SEC22C: variants seen among roughly 807,000 people sequenced by gnomAD.
SEC22C encodes the protein vesicle-trafficking protein SEC22c.
In SEC22C, 29 loss-of-function variants were observed where a neutral mutation model predicts 34.7. That is an observed-to-expected ratio of 0.84 (90% confidence interval 0.62 to 1.14). The LOEUF (loss-of-function observed/expected upper bound fraction) is 1.14, where lower values mean the gene tolerates loss of function less well. SEC22C is among the 50% of genes most tolerant of loss of function. SEC22C has a pLI of 0.00. For synonymous variants in SEC22C, 117 were observed against 132.8 expected (o/e 0.88, Z 0.82); for missense variants, 337 against 369.0 (o/e 0.91, Z 0.71).
intron 4 of SEC22C, among the ~76,000 whole-genome samples, chr3:42,558,172 A>T (rs1702649348): frequency 6.6e-6 from 1 of 152,148 alleles, no homozygotes; most frequent in Non-Finnish European, 1.5e-5. Context: ...CAAAAATGTC[A>T]ATAGGGATCA....
At chr3:42,564,720 T>C (rs1234064012) in intron 2 of SEC22C, among the ~76,000 whole-genome samples, 1 of 152,172 alleles carries the variant, frequency 6.6e-6, no homozygotes, top group Non-Finnish European at 1.5e-5. Flanking sequence ...TTCCATTAGG[T>C]TGTGGCCTGA....
intron 1 of SEC22C, among the ~76,000 whole-genome samples, chr3:42,574,821 G>A (rs1287323295): frequency 6.6e-6 from 1 of 152,032 alleles, no homozygotes; most frequent in African/African-American, 2.4e-5. Flanking sequence ...ATTATAAAAT[G>A]AAATTATTAT....
chr3:42,568,361 C>T (rs1703387780), intron 2 of SEC22C, among the ~76,000 whole-genome samples: 1 of 151,946 alleles, frequency 6.6e-6, no homozygotes, highest in Non-Finnish European at 1.5e-5. Flanking sequence ...GTGGAGCAGC[C>T]ACGGCTGGGT....
At chr3:42,558,759 T>A (rs145576014) in intron 4 of SEC22C, among the ~76,000 whole-genome samples, 222 of 152,142 alleles carry the variant, frequency 1.5e-3, no homozygotes, top group African/African-American at 5.1e-3. Context: ...ACCATGGTAC[T>A]TCAGCCTGGG....
Position 42,552,231 on chromosome 3 carries a change from C to T in SEC22C, c.*1017G>A, listed in dbSNP as rs1225190041. ...GTTCATAAAAAATGAGGCCCTCAAG[C>T]TAATTAAGATGACTGGGAAAGGTGC... On this transcript the variant is annotated 3_prime_UTR_variant, in exon 7 of 7. Coordinates refer to ENST00000264454, the MANE Select transcript of SEC22C (RefSeq NM_032970.4). 1 of 985,268 alleles carries T rather than the reference C, an allele frequency of 1.0e-6. No homozygotes were observed. The highest frequency in any genetic ancestry group is 1.7e-5 in the African/African-American group (1 of 57,218). 61.0% of individuals were successfully genotyped at this position (985,268 alleles called of 1,614,324 possible). A position where few individuals can be genotyped will look rare whatever the true frequency, so the allele number is the denominator to read the frequency against.
intron 4 of SEC22C, among the ~76,000 whole-genome samples, chr3:42,560,570 A>C (rs534934509): frequency 6.6e-5 from 10 of 152,006 alleles, no homozygotes; most frequent in African/African-American, 1.9e-4. Context: ...TAACCTGCCA[A>C]GTCACTCTTC....
At chr3:42,593,894 C>T (rs775007257) in intron 1 of SEC22C, among the ~76,000 whole-genome samples, 41 of 152,020 alleles carry the variant, frequency 2.7e-4, no homozygotes, top group Admixed American at 1.4e-3. Flanking sequence ...GGAAAAGCCC[C>T]CTAGTAGGAG....
At chr3:42,598,549 G>A (rs1049940012) in intron 1 of SEC22C, among the ~76,000 whole-genome samples, 40 of 151,786 alleles carry the variant, frequency 2.6e-4, no homozygotes, top group East Asian at 7.7e-4. Flanking sequence ...GGCTGGTCTC[G>A]AACTCCTGAC....
upstream of SEC22C, among the ~76,000 whole-genome samples, chr3:42,586,585 T>TAAAA (rs35415799): frequency 7.2e-6 from 1 of 139,748 alleles, no homozygotes; most frequent in Non-Finnish European, 1.6e-5. Flanking sequence ...AGTCACTGTT[T>TAAAA]AAAAAAAAAA....
At chr3:42,566,923 A>T in intron 2 of SEC22C, 1 of 245,254 alleles carries the variant, frequency 4.1e-6, no homozygotes, top group Non-Finnish European at 9.1e-6. Context: ...CAATCTATCC[A>T]ATCTACCTAT....
chr3:42,594,521 C>T, intron 1 of SEC22C: 1 of 1,607,868 alleles, frequency 6.2e-7, no homozygotes, highest in South Asian at 1.1e-5. Context: ...CTTTCAAAAG[C>T]AATAGAATAA....
intron 1 of SEC22C, chr3:42,594,371 C>T (rs1359824868): frequency 4.1e-6 from 6 of 1,452,832 alleles, no homozygotes; most frequent in South Asian, 1.2e-5. Flanking sequence ...GTTTTTTGTT[C>T]ATGGTCGGTA....
intron 2 of SEC22C, among the ~76,000 whole-genome samples, chr3:42,566,442 C>T (rs901771610): frequency 9.2e-5 from 14 of 152,136 alleles, no homozygotes; most frequent in Admixed American, 8.5e-4. Flanking sequence ...TTTGGGAGGC[C>T]GAGGCAGGAG....
intron 1 of SEC22C, among the ~76,000 whole-genome samples, chr3:42,578,426 A>G (rs1704105675): frequency 6.6e-6 from 1 of 152,166 alleles, no homozygotes; most frequent in Admixed American, 6.5e-5. Context: ...GTAGAGAGGA[A>G]GGGAATGGGT....
Position 42,548,886 on chromosome 3 carries a change from CCACA to C in SEC22C, c.*4358_*4361del. 1 of 1,370,874 alleles carries C rather than the reference CCACA, an allele frequency of 7.3e-7. No homozygotes were observed. The highest frequency in any genetic ancestry group is 9.4e-7 in the Non-Finnish European group (1 of 1,060,438). The allele number at this position is 1,370,874 out of a possible 1,614,324, so 84.9% of individuals were successfully genotyped here. On this transcript the variant is annotated 3_prime_UTR_variant, in exon 7 of 7. Transcript: ENST00000264454. ...AGGTGAATGTAAAGCCTTTCTCCTC[CCACA>C]CACAATGGACTCACCCAGTATTACC...
Position 42,550,594 on chromosome 3 carries a change from T to C in SEC22C, c.*2654A>G. ...TTACTTGTACTGTTTTTCTAGTGCA[T>C]CTTTTCCCTTTTGTTTGCAAAAGTC... is the stretch of plus-strand genomic sequence containing the variant. On this transcript the variant is annotated 3_prime_UTR_variant, in exon 7 of 7. Transcript: ENST00000264454. 2.0e-6 allele frequency: 2 copies of C among 985,448 alleles called. No individual in the cohort carries two copies. The highest frequency in any genetic ancestry group is 2.4e-6 in the Non-Finnish European group (2 of 829,940). The allele number at this position is 985,448 out of a possible 1,614,324, so 61.0% of individuals were successfully genotyped here. A position where few individuals can be genotyped will look rare whatever the true frequency, so the allele number is the denominator to read the frequency against.
At chr3:42,556,450 G>A (rs1702534516) in intron 5 of SEC22C, among the ~76,000 whole-genome samples, 1 of 152,238 alleles carries the variant, frequency 6.6e-6, no homozygotes, top group African/African-American at 2.4e-5. Context: ...CAGTTGGTAA[G>A]TATCTGGCTA....
At chr3:42,600,708 T>C in intron 1 of SEC22C, 1 of 253,298 alleles carries the variant, frequency 3.9e-6, no homozygotes, top group Non-Finnish European at 7.5e-6. Flanking sequence ...TTAGCGGCGT[T>C]GGGGTTTGGC....
chr3:42,557,793 T>A, intron 4 of SEC22C, 97 bp from the exon 5 acceptor site: 1 of 602,296 alleles, frequency 1.7e-6, no homozygotes, highest in Non-Finnish European at 3.0e-6. Context: ...TAATGATAGG[T>A]TCACTATGTT....
Sources: allele counts gnomAD v4.1 joint callset (sites outside exome capture counted in the v4.1 genomes callset), GRCh38; gene constraint gnomAD v4.1.1; transcripts MANE v1.5; gene names NCBI Gene and HGNC (gene_info 2026-07-23, HGNC 2026-07-21).